Variants in MED27 observed in about 807,000 individuals in gnomAD.
MED27 encodes mediator of RNA polymerase II transcription subunit 27.
Under a neutral mutation model 38.2 loss-of-function variants are expected in MED27, and 30 were observed. That is an observed-to-expected ratio of 0.79 (90% confidence interval 0.59 to 1.07). The LOEUF (loss-of-function observed/expected upper bound fraction) is 1.07, where lower values mean the gene tolerates loss of function less well. Among genes scored for constraint, MED27 ranks in the 50% least tolerant of loss-of-function variants. MED27 has a pLI of 0.00. For missense variants in MED27, 289 were observed against 397.5 expected (o/e 0.73, Z 2.32); for synonymous variants, 122 against 153.5 (o/e 0.79, Z 1.52).
intron 2 of MED27, among the ~76,000 whole-genome samples, chr9:132,041,440 T>A (rs192115368): frequency 6.6e-6 from 1 of 152,216 alleles, no homozygotes; most frequent in Non-Finnish European, 1.5e-5. Flanking sequence ...GTATGGCATG[T>A]AGGGGTAGCA....
chr9:132,041,166 C>T (rs926975144), intron 2 of MED27, among the ~76,000 whole-genome samples: 1 of 152,220 alleles, frequency 6.6e-6, no homozygotes, highest in African/African-American at 2.4e-5. Context: ...CAACAACTGC[C>T]TCTGTGTCCC....
intron 2 of MED27, among the ~76,000 whole-genome samples, chr9:132,056,810 TG>T (rs1833588437): frequency 6.6e-6 from 1 of 152,192 alleles, no homozygotes; most frequent in African/African-American, 2.4e-5. Context: ...ACACATTCAG[TG>T]GACCAGAACA....
intron 2 of MED27, among the ~76,000 whole-genome samples, chr9:132,059,535 G>A (rs543902609): frequency 1.0e-3 from 154 of 152,336 alleles, no homozygotes; most frequent in Admixed American, 3.1e-3. Context: ...TGATGGGGCC[G>A]AGAGATGCAG....
chr9:132,062,991 G>C (rs951861270), intron 2 of MED27, among the ~76,000 whole-genome samples: 8 of 152,156 alleles, frequency 5.3e-5, no homozygotes, highest in African/African-American at 1.9e-4. Flanking sequence ...TGACTATGTG[G>C]GAAAAGGACC....
At chr9:131,881,800 C>CTTTTTTTTTTTCTTTTTTT (rs1839049454) in intron 6 of MED27, among the ~76,000 whole-genome samples, 1 of 60,964 alleles carries the variant, frequency 1.6e-5, no homozygotes, top group Non-Finnish European at 3.0e-5. Context: ...TCTTCTTCTT[C>CTTTTTTTTTTTCTTTTTTT]TTTTTTTTTT....
intron 6 of MED27, among the ~76,000 whole-genome samples, chr9:131,866,268 G>C (rs533673140): frequency 6.6e-6 from 1 of 152,190 alleles, no homozygotes; most frequent in African/African-American, 2.4e-5. Context: ...GGCTGAACTT[G>C]AGTTCTCCAA....
chr9:131,958,037 CTATCT>C (rs1007464012), intron 3 of MED27, among the ~76,000 whole-genome samples: 6 of 151,936 alleles, frequency 3.9e-5, no homozygotes, highest in Admixed American at 2.6e-4. Context: ...GGTGATTATC[CTATCT>C]TATTTGGGGT....
intron 3 of MED27, among the ~76,000 whole-genome samples, chr9:131,998,592 C>T (rs1451533932): frequency 1.3e-5 from 2 of 152,162 alleles, no homozygotes; most frequent in Non-Finnish European, 2.9e-5. Flanking sequence ...TTCCATCTAC[C>T]GTCTAAATGC....
At chr9:131,936,876 G>A (rs555325988) in intron 4 of MED27, among the ~76,000 whole-genome samples, 10 of 152,322 alleles carry the variant, frequency 6.6e-5, no homozygotes, top group African/African-American at 2.2e-4. Flanking sequence ...GGCACAGTTC[G>A]TACATTTGCC....
intron 3 of MED27, among the ~76,000 whole-genome samples, chr9:132,006,672 A>C (rs11243593): frequency 0.043 from 6,565 of 152,182 alleles, 466 homozygotes; most frequent in African/African-American, 0.14. Context: ...ACAACCTTAA[A>C]AAAGGTCTCA....
At chr9:131,972,566 T>A (rs1356486932) in intron 3 of MED27, among the ~76,000 whole-genome samples, 1 of 152,156 alleles carries the variant, frequency 6.6e-6, no homozygotes, top group East Asian at 1.9e-4. Context: ...AAATGTCCAA[T>A]GAATGAATGA....
At chr9:132,040,672 C>T (rs1833188536) in intron 2 of MED27, among the ~76,000 whole-genome samples, 1 of 152,194 alleles carries the variant, frequency 6.6e-6, no homozygotes, top group African/African-American at 2.4e-5. Flanking sequence ...CATGAAGGTC[C>T]CAGCAAGGAG....
intron 2 of MED27, among the ~76,000 whole-genome samples, chr9:132,067,743 G>A (rs1259864858): frequency 1.3e-5 from 2 of 152,104 alleles, no homozygotes; most frequent in African/African-American, 4.8e-5. Flanking sequence ...ACGGAGTCTT[G>A]CTCTGTCGCC....
chr9:131,996,528 G>T (rs1832094390), intron 3 of MED27, among the ~76,000 whole-genome samples: 3 of 152,174 alleles, frequency 2.0e-5, no homozygotes. Flanking sequence ...AGGCCCCACT[G>T]GACTCCTGGA....
At chr9:132,070,514 G>T (rs1485917420) in intron 2 of MED27, among the ~76,000 whole-genome samples, 1 of 152,132 alleles carries the variant, frequency 6.6e-6, no homozygotes, top group Admixed American at 6.5e-5. Context: ...CCATGACTGT[G>T]CCACTGCACT....
intron 2 of MED27, among the ~76,000 whole-genome samples, chr9:132,018,871 G>GA (rs1485118495): frequency 4.6e-5 from 7 of 151,928 alleles, no homozygotes; most frequent in African/African-American, 1.7e-4. Context: ...GGGTAAAGGG[G>GA]AAAAAAGAGC....
chr9:131,944,824 G>A (rs1043872970), intron 3 of MED27, among the ~76,000 whole-genome samples: 4 of 151,898 alleles, frequency 2.6e-5, no homozygotes, highest in East Asian at 3.9e-4. Flanking sequence ...GAGCCACCAC[G>A]CCCGGCTGTT....
chr9:132,070,039 C>T lies in MED27; in HGVS notation c.348+7403G>A, dbSNP rs563233121. On this transcript the variant is annotated intron_variant, in intron 2 of 7. Coordinates refer to ENST00000292035, the MANE Select transcript of MED27 (RefSeq NM_004269.4). ...AATGCCTTAGTCCCCACGACAGCCC[C>T]GGAAGGTGGAAGCTACTGTTATCCA... Among the ~76,000 whole-genome samples, 7 of 152,326 alleles carry T rather than the reference C, an allele frequency of 4.6e-5. No individual in the cohort carries two copies. The East Asian group carries it at 1.2e-3, about 25-fold the overall frequency.
At chr9:131,893,649 T>G (rs930460312) in intron 5 of MED27, among the ~76,000 whole-genome samples, 1 of 152,064 alleles carries the variant, frequency 6.6e-6, no homozygotes, top group African/African-American at 2.4e-5. Flanking sequence ...GGTGATAAAT[T>G]AGAAATTCAA....
Sources: allele counts gnomAD v4.1 joint callset (sites outside exome capture counted in the v4.1 genomes callset), GRCh38; gene constraint gnomAD v4.1.1; transcripts MANE v1.5; gene names NCBI Gene and HGNC (gene_info 2026-07-23, HGNC 2026-07-21).